Variants in COL21A1 observed in about 807,000 individuals in gnomAD.
The protein encoded by COL21A1 is collagen alpha-1(XXI) chain.
COL21A1 carries 149 observed loss-of-function variants against 137.9 expected under a neutral mutation model. The ratio of observed to expected loss-of-function variants is 1.08; its 90% CI spans 0.95 to 1.24. The LOEUF (loss-of-function observed/expected upper bound fraction) is 1.24, where lower values mean the gene tolerates loss of function less well. Ranked by LOEUF, COL21A1 falls within the 50% of genes most tolerant of loss-of-function variation. COL21A1 has a pLI of 0.00. For missense variants in COL21A1, 1,167 were observed against 1,158.4 expected, an observed-to-expected ratio of 1.01 and a Z score of -0.11; for synonymous variants, 456 against 391.5, an observed-to-expected ratio of 1.16 and a Z score of -1.95.
At chr6:56,099,975 T>C (rs955388876) in intron 17 of COL21A1, among the ~76,000 whole-genome samples, 3 of 152,182 alleles carry the variant, frequency 2.0e-5, no homozygotes, top group African/African-American at 7.2e-5. Context: ...ATACACTGCC[T>C]CTAAAACAGT....
At chr6:56,057,897 G>A in intron 29 of COL21A1, 53 bp from the exon 30 acceptor site, 14 of 1,215,504 alleles carry the variant, frequency 1.2e-5, no homozygotes, top group South Asian at 4.0e-5. Flanking sequence ...TTTTTATAAT[G>A]AAATAGCCAA....
intron 25 of COL21A1, 35 bp downstream of exon 25, chr6:56,061,612 AAG>A: frequency 2.0e-6 from 3 of 1,490,372 alleles, no homozygotes; most frequent in Middle Eastern, 1.7e-4. Flanking sequence ...GGACCGAAGA[AAG>A]AGAGCAAGAG....
rs575045032 is a variant in COL21A1 at position 56,284,101 on chromosome 6, G to A, written c.-38-101445C>T. On this transcript the variant is annotated intron_variant, in intron 1 of 28. Transcript: ENST00000370819. The stretch of plus-strand genomic sequence containing the variant: ...CTGGCTCTGTCACCCAGGCTGTAGT[G>A]CAGTGACACCATCTCAGTTCGTTGC... Among the ~76,000 whole-genome samples the A allele has an allele frequency of 2.0e-5, 3 of 152,292 alleles. No homozygotes were observed. The South Asian group carries it at 6.2e-4, about 32-fold the overall frequency.
chr6:56,309,626 T>C (rs1469172529), intron 1 of COL21A1, among the ~76,000 whole-genome samples: 1 of 152,198 alleles, frequency 6.6e-6, no homozygotes, highest in Non-Finnish European at 1.5e-5. Flanking sequence ...GTAGCTCTCA[T>C]AGTTTAGGCA....
At position 56,057,555 on chromosome 6, in the gene COL21A1, A is replaced by T; in HGVS notation, c.*102T>A. ...AAAAAAAAAATAAAAACACCGAGGTACTTAAGTTTCTTTTCAAGGGATTAC... is the reference window on the plus strand; with the variant it reads ...AAAAAAAAAATAAAAACACCGAGGTTCTTAAGTTTCTTTTCAAGGGATTAC... On this transcript the variant is annotated 3_prime_UTR_variant, in exon 30 of 30. Transcript: ENST00000244728. 1.0e-6 allele frequency: 1 copy of T among 964,040 alleles called. No homozygotes were observed. The highest frequency in any genetic ancestry group is 1.6e-6 in the Non-Finnish European group (1 of 631,738). The allele number at this position is 964,040 out of a possible 1,614,324, so 59.7% of individuals were successfully genotyped here.
chr6:56,141,890 A>C, intron 11 of COL21A1, 40 bp downstream of exon 11: 1 of 1,597,846 alleles, frequency 6.3e-7, no homozygotes, highest in Middle Eastern at 1.7e-4. Flanking sequence ...TAGTTCACTA[A>C]AAATAAAATT....
At chr6:56,365,500 T>C (rs528774430) in intron 1 of COL21A1, among the ~76,000 whole-genome samples, 2 of 152,310 alleles carry the variant, frequency 1.3e-5, no homozygotes, top group Non-Finnish European at 2.9e-5. Context: ...TTGAATCTTT[T>C]TTTTCGTGGT....
intron 3 of COL21A1, among the ~76,000 whole-genome samples, chr6:56,174,285 G>C (rs1055267906): frequency 4.0e-5 from 6 of 151,756 alleles, no homozygotes; most frequent in Non-Finnish European, 7.4e-5. Context: ...AGAAAAAAAA[G>C]ACAAACTAAG....
At chr6:56,064,782 A>G (rs1445400569) in intron 23 of COL21A1, among the ~76,000 whole-genome samples, 160 bp from the exon 24 acceptor site, 1 of 152,112 alleles carries the variant, frequency 6.6e-6, no homozygotes, top group Non-Finnish European at 1.5e-5. Flanking sequence ...TCAGTTACTC[A>G]GCGAAAAAGA....
intron 12 of COL21A1, among the ~76,000 whole-genome samples, chr6:56,127,647 G>C (rs1158615377): frequency 6.6e-6 from 1 of 152,142 alleles, no homozygotes; most frequent in African/African-American, 2.4e-5. Flanking sequence ...TTTTAAATCA[G>C]ACGTTTGAAG....
intron 22 of COL21A1, 66 bp from the exon 23 acceptor site, chr6:56,067,396 T>C (rs1017224335): frequency 4.2e-6 from 6 of 1,429,538 alleles, no homozygotes; most frequent in East Asian, 2.3e-5. Context: ...AATAAACATA[T>C]ATTTTTCTCT....
chr6:56,249,371 A>T (rs1782795576), upstream of COL21A1, among the ~76,000 whole-genome samples: 1 of 152,242 alleles, frequency 6.6e-6, no homozygotes, highest in Non-Finnish European at 1.5e-5. Flanking sequence ...TTCAGTAGAT[A>T]GCCAAGAAAA....
intron 1 of COL21A1, among the ~76,000 whole-genome samples, chr6:56,191,450 G>T (rs1778670243): frequency 6.6e-6 from 1 of 151,716 alleles, no homozygotes; most frequent in South Asian, 2.1e-4. Context: ...AAAAAAGTCG[G>T]GTGTGGTGGC....
intron 1 of COL21A1, among the ~76,000 whole-genome samples, chr6:56,360,302 T>C (rs1490536665): frequency 1.3e-5 from 2 of 152,194 alleles, no homozygotes; most frequent in Admixed American, 6.5e-5. Context: ...AAGGTTACAA[T>C]AGCAGAATTC....
At chr6:56,374,160 G>A (rs144258609) in intron 1 of COL21A1, among the ~76,000 whole-genome samples, 9 of 152,300 alleles carry the variant, frequency 5.9e-5, no homozygotes, top group African/African-American at 2.2e-4. Flanking sequence ...CGACTTGTAT[G>A]AAATATCCAT....
intron 1 of COL21A1, among the ~76,000 whole-genome samples, chr6:56,223,873 A>T (rs932873816): frequency 2.6e-5 from 4 of 152,018 alleles, no homozygotes; most frequent in African/African-American, 4.8e-5. Context: ...TTATTTTTTT[A>T]AACTGTAAAG....
intron 10 of COL21A1, among the ~76,000 whole-genome samples, chr6:56,155,348 T>G (rs1775662708): frequency 6.6e-6 from 1 of 152,168 alleles, no homozygotes; most frequent in South Asian, 2.1e-4. Context: ...TTTTTGTTTG[T>G]TTGTTTTATT....
intron 1 of COL21A1, among the ~76,000 whole-genome samples, chr6:56,332,618 C>T (rs1765255169): frequency 6.7e-6 from 1 of 148,502 alleles, no homozygotes; most frequent in Non-Finnish European, 1.5e-5. Context: ...CATGTTTGCC[C>T]TTCCATTAGC....
chr6:56,180,983 TA>T (rs1257601837), intron 2 of COL21A1, among the ~76,000 whole-genome samples: 4 of 152,218 alleles, frequency 2.6e-5, no homozygotes, highest in African/African-American at 9.6e-5. Flanking sequence ...TTCACCTGAC[TA>T]ATACTCTTGT....
Sources: allele counts gnomAD v4.1 joint callset (sites outside exome capture counted in the v4.1 genomes callset), GRCh38; gene constraint gnomAD v4.1.1; transcripts MANE v1.5; gene names NCBI Gene and HGNC (gene_info 2026-07-23, HGNC 2026-07-21).